LHFPL2: variants seen among roughly 807,000 people sequenced by gnomAD.
LHFPL2 encodes LHFPL tetraspan subfamily member 2 protein.
Under a neutral mutation model 17.5 loss-of-function variants are expected in LHFPL2, and 7 were observed. The observed-to-expected ratio is 0.40, with a 90% CI of 0.23 to 0.75. The LOEUF (loss-of-function observed/expected upper bound fraction) is 0.75, where lower values mean the gene tolerates loss of function less well. LHFPL2 is among the 30% of genes least tolerant of loss of function. The probability of loss-of-function intolerance (pLI) is 0.37; values close to 1 mark genes in which losing one functional copy is unlikely to be tolerated. For synonymous variants in LHFPL2, 134 were observed against 116.2 expected (o/e 1.15, Z -0.99); for missense variants, 241 against 294.8 (o/e 0.82, Z 1.34).
intron 3 of LHFPL2, among the ~76,000 whole-genome samples, chr5:78,546,135 T>C (rs555925150): frequency 6.6e-6 from 1 of 152,244 alleles, no homozygotes; most frequent in African/African-American, 2.4e-5. Context: ...CTTTCAGGGC[T>C]GTACATGTCT....
At chr5:78,525,759 T>A (rs1177424806) in intron 3 of LHFPL2, among the ~76,000 whole-genome samples, 2 of 152,052 alleles carry the variant, frequency 1.3e-5, no homozygotes, top group East Asian at 3.8e-4. Flanking sequence ...AAGACACAAG[T>A]TAAAATAAAC....
intron 4 of LHFPL2, among the ~76,000 whole-genome samples, chr5:78,503,088 A>C (rs1325423958): frequency 2.0e-5 from 3 of 152,200 alleles, no homozygotes; most frequent in Non-Finnish European, 4.4e-5. Context: ...ACCGCGCTGT[A>C]GGACAGTTCT....
intron 3 of LHFPL2, among the ~76,000 whole-genome samples, chr5:78,518,369 G>C (rs1755350857): frequency 6.6e-6 from 1 of 152,174 alleles, no homozygotes; most frequent in African/African-American, 2.4e-5. Context: ...AGGGATCAAG[G>C]TACGCAGCGT....
At chr5:78,528,357 T>C (rs562894386) in intron 3 of LHFPL2, among the ~76,000 whole-genome samples, 2 of 152,334 alleles carry the variant, frequency 1.3e-5, no homozygotes, top group South Asian at 4.1e-4. Flanking sequence ...CCTCTTGTCA[T>C]ATCAACAGTG....
At chr5:78,644,451 T>G (rs1745791085) in intron 1 of LHFPL2, 1 of 628,060 alleles carries the variant, frequency 1.6e-6, no homozygotes, top group Non-Finnish European at 2.8e-6. Flanking sequence ...GGCAGTGCCC[T>G]TCCACATCTC....
intron 4 of LHFPL2, among the ~76,000 whole-genome samples, chr5:78,499,294 T>C (rs1459368136): frequency 1.3e-5 from 2 of 152,236 alleles, no homozygotes; most frequent in Non-Finnish European, 2.9e-5. Context: ...ACACTAACAA[T>C]GGGAGCATTT....
At chr5:78,522,823 T>C (rs542494339) in intron 3 of LHFPL2, among the ~76,000 whole-genome samples, 1 of 152,226 alleles carries the variant, frequency 6.6e-6, no homozygotes, top group Admixed American at 6.5e-5. Flanking sequence ...CTGATGTGGG[T>C]AGGGCAGGAC....
chr5:78,591,220 G>A (rs1215474260), intron 2 of LHFPL2, among the ~76,000 whole-genome samples: 2 of 152,150 alleles, frequency 1.3e-5, no homozygotes, highest in Admixed American at 6.5e-5. Flanking sequence ...AAATGAAGAC[G>A]AGGGCCTAAC....
chr5:78,582,233 C>T (rs1219106028), intron 2 of LHFPL2, among the ~76,000 whole-genome samples: 2 of 152,254 alleles, frequency 1.3e-5, no homozygotes, highest in South Asian at 2.1e-4. Flanking sequence ...TTTCAAAAAA[C>T]CAGCTCCTGG....
chr5:78,578,967 G>C (rs1277654886), intron 2 of LHFPL2, among the ~76,000 whole-genome samples: 1 of 152,178 alleles, frequency 6.6e-6, no homozygotes, highest in Non-Finnish European at 1.5e-5. Context: ...CAATCCAGTG[G>C]CAGAGAGAGC....
chr5:78,635,472 T>C (rs182003065), intron 1 of LHFPL2, among the ~76,000 whole-genome samples: 16 of 152,318 alleles, frequency 1.1e-4, no homozygotes, highest in African/African-American at 3.8e-4. Context: ...TTCCAAGTCT[T>C]GGATTTAGCT....
At chr5:78,572,204 ATGAAGTTTCCTATGAC>A (rs1757015800) in intron 2 of LHFPL2, among the ~76,000 whole-genome samples, 1 of 152,160 alleles carries the variant, frequency 6.6e-6, no homozygotes, top group Non-Finnish European at 1.5e-5. Context: ...GAAGTCACCT[ATGAAGTTTCCTATGAC>A]TGAAGTCATA....
intron 2 of LHFPL2, among the ~76,000 whole-genome samples, chr5:78,607,756 T>A (rs1424132640): frequency 6.6e-6 from 1 of 152,226 alleles, no homozygotes; most frequent in African/African-American, 2.4e-5. Context: ...GGCTTCAATT[T>A]CCAAGTAAGT....
intron 3 of LHFPL2, among the ~76,000 whole-genome samples, chr5:78,534,176 G>C (rs1260705080): frequency 1.3e-5 from 2 of 152,238 alleles, no homozygotes; most frequent in Non-Finnish European, 2.9e-5. Context: ...GTCCCCTGGA[G>C]TCCCTCCTGG....
At chr5:78,556,330 GAACA>G (rs1756570902) in intron 3 of LHFPL2, among the ~76,000 whole-genome samples, 1 of 152,278 alleles carries the variant, frequency 6.6e-6, no homozygotes, top group South Asian at 2.1e-4. Flanking sequence ...GGACAAACAT[GAACA>G]AACAATTCAG....
At chr5:78,596,346 T>C (rs895678618) in intron 2 of LHFPL2, among the ~76,000 whole-genome samples, 3 of 152,194 alleles carry the variant, frequency 2.0e-5, no homozygotes, top group African/African-American at 7.2e-5. Context: ...GGTAAGCAGC[T>C]GCCTAGAGGA....
At chr5:78,615,625 C>T (rs1419232833) in intron 2 of LHFPL2, among the ~76,000 whole-genome samples, 1 of 152,188 alleles carries the variant, frequency 6.6e-6, no homozygotes, top group African/African-American at 2.4e-5. Context: ...TTGATAGAAG[C>T]ATCGTGAGAA....
intron 3 of LHFPL2, among the ~76,000 whole-genome samples, chr5:78,546,541 C>T (rs1756280716): frequency 6.6e-6 from 1 of 152,210 alleles, no homozygotes; most frequent in African/African-American, 2.4e-5. Context: ...AAACAGTGAT[C>T]AACAAATGGA....
intron 4 of LHFPL2, among the ~76,000 whole-genome samples, chr5:78,502,675 G>A (rs1476609416): frequency 6.7e-6 from 1 of 149,496 alleles, no homozygotes; most frequent in Admixed American, 6.7e-5. Context: ...AATGTAATGT[G>A]TAACAAGGTA....
Sources: allele counts gnomAD v4.1 joint callset (sites outside exome capture counted in the v4.1 genomes callset), GRCh38; gene constraint gnomAD v4.1.1; transcripts MANE v1.5; gene names NCBI Gene and HGNC (gene_info 2026-07-23, HGNC 2026-07-21).